IL27: variants seen among roughly 807,000 people sequenced by gnomAD.
The protein encoded by IL27 is interleukin-27 subunit alpha.
A neutral mutation model predicts 27.0 loss-of-function variants in IL27; 11 were observed. The observed-to-expected ratio is 0.41, with a 90% CI of 0.26 to 0.67. IL27 has a LOEUF of 0.67. IL27 is among the 30% of genes least tolerant of loss of function. The pLI, the probability that IL27 is intolerant of heterozygous loss-of-function variation, is 0.34. For synonymous variants in IL27, 134 were observed against 140.6 expected, an observed-to-expected ratio of 0.95 and a Z score of 0.33; for missense variants, 299 against 310.4, an observed-to-expected ratio of 0.96 and a Z score of 0.28.
chr16:28,502,201 T>G, intron 3 of IL27, 67 bp from the exon 4 acceptor site: 2 of 1,426,528 alleles, frequency 1.4e-6, no homozygotes, highest in Non-Finnish European at 1.9e-6. Flanking sequence ...ACCCACCCCC[T>G]CCCTATCCGG....
intron 3 of IL27, among the ~76,000 whole-genome samples, chr16:28,502,943 C>A (rs927475192): frequency 6.6e-6 from 1 of 152,184 alleles, no homozygotes; most frequent in Non-Finnish European, 1.5e-5. Flanking sequence ...CTGCCTCAGC[C>A]TCCCGAGTAG....
intron 1 of IL27, among the ~76,000 whole-genome samples, chr16:28,505,490 AT>A (rs1162073468): frequency 6.6e-6 from 1 of 151,840 alleles, no homozygotes. Flanking sequence ...GCTAATTTTT[AT>A]TATATTTAGT....
intron 4 of IL27, among the ~76,000 whole-genome samples, chr16:28,501,430 ACACT>A (rs1053426343): frequency 3.3e-4 from 50 of 150,158 alleles, no homozygotes; most frequent in African/African-American, 4.4e-4. Flanking sequence ...AGACCCACAC[ACACT>A]CACAGTCACA....
At chr16:28,503,306 A>G (rs182139207) in intron 3 of IL27, among the ~76,000 whole-genome samples, 148 of 152,106 alleles carry the variant, frequency 9.7e-4, no homozygotes, top group African/African-American at 3.4e-3. Context: ...TCCATCCTGG[A>G]GTCCAGGATC....
chr16:28,499,525 G>GC lies in IL27; in HGVS notation c.*125dup, dbSNP rs2046418266. The GC allele has an allele frequency of 1.5e-6, 1 of 674,544 alleles. No homozygotes were observed. The highest frequency in any genetic ancestry group is 2.8e-5 in the Admixed American group (1 of 35,440). The allele number at this position is 674,544 out of a possible 1,614,324, so 41.8% of individuals were successfully genotyped here. A position where few individuals can be genotyped will look rare whatever the true frequency, so the allele number is the denominator to read the frequency against. On this transcript the variant is annotated 3_prime_UTR_variant, in exon 5 of 5. Coordinates refer to ENST00000356897, the MANE Select transcript of IL27 (RefSeq NM_145659.3). ...GAGGGGCTTTCAGTTACTGGGTAGA[G>GC]CCTGGGGCAGGGGGCTGGAAGAGCC...
At chr16:28,501,612 C>T (rs910881381) in intron 4 of IL27, among the ~76,000 whole-genome samples, 8 of 151,492 alleles carry the variant, frequency 5.3e-5, no homozygotes, top group East Asian at 1.9e-4. Context: ...CAGGTACACT[C>T]ACACAGACCC....
Position 28,499,443 on chromosome 16 carries a change from C to A in IL27, c.*208G>T, listed in dbSNP as rs1360337012. On this transcript the variant is annotated 3_prime_UTR_variant, in exon 5 of 5. Transcript: ENST00000356897. Reference sequence around the variant, plus strand: ...TCGGGCCCCAAGACAATAAATAAACCATCATCTCCCTAAACAATAAATAAA... The same window carrying A: ...TCGGGCCCCAAGACAATAAATAAACAATCATCTCCCTAAACAATAAATAAA... 4 of 549,748 alleles carry A rather than the reference C, an allele frequency of 7.3e-6. No individual in the cohort carries two copies. In the Admixed American group the frequency reaches 1.2e-4, roughly 17 times the overall value. 34.1% of individuals were successfully genotyped at this position (549,748 alleles called of 1,614,324 possible).
chr16:28,500,305 C>T (rs1036638584), intron 4 of IL27, among the ~76,000 whole-genome samples: 8 of 151,774 alleles, frequency 5.3e-5, no homozygotes, highest in African/African-American at 1.7e-4. Context: ...TTGGGAGCCC[C>T]GCTCTGTCGC....
chr16:28,505,502 A>G (rs115014474), intron 1 of IL27, among the ~76,000 whole-genome samples: 9,364 of 152,104 alleles, frequency 0.062, 320 homozygotes, highest in East Asian at 0.11. Context: ...TATATTTAGT[A>G]GAGAGGGGTT....
chr16:28,501,896 C>G (rs953878842), intron 4 of IL27, 80 bp downstream of exon 4: 15 of 1,491,256 alleles, frequency 1.0e-5, no homozygotes, highest in Non-Finnish European at 1.4e-5. Flanking sequence ...CACACACACT[C>G]AGAGCATGGG....
intron 4 of IL27, 143 bp downstream of exon 4, chr16:28,501,829 TCACA>T: frequency 1.0e-6 from 1 of 960,552 alleles, no homozygotes; most frequent in Non-Finnish European, 1.6e-6. Context: ...ACAGTCACTC[TCACA>T]CTCATGAACC....
At chr16:28,504,496 A>AAAACC (rs1466262839) in intron 1 of IL27, among the ~76,000 whole-genome samples, 1 of 151,990 alleles carries the variant, frequency 6.6e-6, no homozygotes, top group Non-Finnish European at 1.5e-5. Flanking sequence ...AAAACAAAAC[A>AAAACC]AAACAAAACC....
At chr16:28,505,677 C>T (rs944933772) in intron 1 of IL27, among the ~76,000 whole-genome samples, 2 of 152,056 alleles carry the variant, frequency 1.3e-5, no homozygotes, top group Non-Finnish European at 2.9e-5. Context: ...AGAGGGGCAG[C>T]GGATGGGCGC....
Position 28,499,739 on chromosome 16 carries a change from G to T in IL27, c.644C>A (p.Ser215Tyr), listed in dbSNP as rs1195355107. Residue 215 changes from serine (S) to tyrosine (Y), a missense_variant, in exon 5 of 5, where the codon TCT becomes TAT. By Grantham distance (144) the Ser-to-Tyr change is moderately radical. Coordinates refer to ENST00000356897, the MANE Select transcript of IL27 (RefSeq NM_145659.3). ...RLLHSLELVL[S>Y]RAVRELLLLS... ...CAGCAGCAACTCCCGCACGGCCCGAGATAAGACGAGCTCCAAGGAGTGCAG... is the reference window on the plus strand; with the variant it reads ...CAGCAGCAACTCCCGCACGGCCCGATATAAGACGAGCTCCAAGGAGTGCAG... 4 of 1,613,550 alleles carry T rather than the reference G, an allele frequency of 2.5e-6. No individual in the cohort carries two copies. Among genetic ancestry groups the T allele is most frequent in the Non-Finnish European group, 2.5e-6 (3 of 1,179,810 alleles).
At position 28,499,798 on chromosome 16, in the gene IL27, C is replaced by T; in HGVS notation, c.585G>A (p.Val195=). 1 of 1,608,302 alleles carries T rather than the reference C, an allele frequency of 6.2e-7. No homozygotes were observed. The highest frequency in any genetic ancestry group is 8.5e-7 in the Non-Finnish European group (1 of 1,177,508). The change falls in exon 5 of 5, where the codon GTG becomes GTA. Residue 195 remains valine (V), a synonymous_variant. Coordinates refer to ENST00000356897, the MANE Select transcript of IL27 (RefSeq NM_145659.3). ...AGGTGGAGAGGAGCTGGGGCCAGGACACCTGGGCCGGGCCCTGTAAGGCGC... is the reference window on the plus strand; with the variant it reads ...AGGTGGAGAGGAGCTGGGGCCAGGATACCTGGGCCGGGCCCTGTAAGGCGC... ...LGSALQGPAQ[V]SWPQLLSTYR...
chr16:28,501,253 G>T (rs1596576056), intron 4 of IL27, among the ~76,000 whole-genome samples: 1 of 148,194 alleles, frequency 6.7e-6, no homozygotes, highest in East Asian at 2.0e-4. Context: ...CTCACACACT[G>T]ACATACCTAT....
In IL27 at chr16:28,501,930, T is replaced by G. The variant is rs774260292; in HGVS notation, c.462+46A>C. 6 of 1,576,872 alleles carry G rather than the reference T, an allele frequency of 3.8e-6. No homozygotes were observed. In the African/African-American group the frequency reaches 5.4e-5, roughly 14 times the overall value. ...GGATCACTGAATGAGCCAGCGAGTC[T>G]TCTTTCCCACGTGGTCTGGGGTGGT... On this transcript the variant is annotated intron_variant, in intron 4 of 4. Coordinates refer to ENST00000356897, the MANE Select transcript of IL27 (RefSeq NM_145659.3).
intron 4 of IL27, 22 bp from the exon 5 acceptor site, chr16:28,499,942 C>A: frequency 6.6e-7 from 1 of 1,526,690 alleles, no homozygotes; most frequent in South Asian, 1.2e-5. Flanking sequence ...GGCCATGGGT[C>A]AGGGAGGGGC....
Position 28,499,768 on chromosome 16 carries a change from G to A in IL27, c.615C>T (p.Arg205=). ...AGACGAGCTCCAAGGAGTGCAGCAG[G>A]CGGTAGGTGGAGAGGAGCTGGGGCC... ...VSWPQLLSTY[R]LLHSLELVLS... is the part of the protein sequence containing the mutation. Residue 205 remains arginine (R), a synonymous_variant, in exon 5 of 5, where the codon CGC becomes CGT. Coordinates refer to ENST00000356897, the MANE Select transcript of IL27 (RefSeq NM_145659.3). 2 of 1,612,746 alleles carry A rather than the reference G, an allele frequency of 1.2e-6. No individual in the cohort carries two copies. Among genetic ancestry groups the A allele is most frequent in the South Asian group, 1.1e-5 (1 of 90,746 alleles).
Sources: allele counts gnomAD v4.1 joint callset (sites outside exome capture counted in the v4.1 genomes callset), GRCh38; gene constraint gnomAD v4.1.1; transcripts MANE v1.5; gene names NCBI Gene and HGNC (gene_info 2026-07-23, HGNC 2026-07-21).